SEMA3C: variants seen among roughly 807,000 people sequenced by gnomAD.
The protein encoded by SEMA3C is semaphorin 3C, also known as semaphorin-3C.
SEMA3C carries 47 observed loss-of-function variants against 89.4 expected under a neutral mutation model. That is an observed-to-expected ratio of 0.53 (90% CI 0.42 to 0.67). SEMA3C has a LOEUF of 0.67. Among genes scored for constraint, SEMA3C ranks in the 30% least tolerant of loss-of-function variants. The pLI is 0.00. For missense variants in SEMA3C, 839 were observed against 929.1 expected (o/e 0.90, Z 1.26); for synonymous variants, 310 against 320.2 (o/e 0.97, Z 0.34).
chr7:80,817,493 T>C (rs1789636129), intron 5 of SEMA3C, among the ~76,000 whole-genome samples: 1 of 152,202 alleles, frequency 6.6e-6, no homozygotes, highest in African/African-American at 2.4e-5. Flanking sequence ...ACAACATGTT[T>C]GACTAAAAGA....
chr7:80,881,520 T>C (rs953596815), intron 2 of SEMA3C, among the ~76,000 whole-genome samples: 1 of 152,190 alleles, frequency 6.6e-6, no homozygotes, highest in Non-Finnish European at 1.5e-5. Context: ...ATTTCTGGCA[T>C]CACTGGAGGG....
intron 2 of SEMA3C, among the ~76,000 whole-genome samples, chr7:80,892,001 T>TC (rs1460082830): frequency 2.0e-5 from 3 of 152,086 alleles, no homozygotes; most frequent in Non-Finnish European, 4.4e-5. Flanking sequence ...GATACTATCT[T>TC]CCCCAAAAAA....
At chr7:80,869,327 A>T (rs1791002630) in intron 2 of SEMA3C, among the ~76,000 whole-genome samples, 1 of 152,234 alleles carries the variant, frequency 6.6e-6, no homozygotes, top group African/African-American at 2.4e-5. Flanking sequence ...ATTACAAGAC[A>T]AGCAGGGATT....
At chr7:80,820,058 T>TTC (rs1424119203) in intron 4 of SEMA3C, among the ~76,000 whole-genome samples, 3 of 147,542 alleles carry the variant, frequency 2.0e-5, no homozygotes, top group African/African-American at 7.5e-5. Flanking sequence ...ATGCTCCTTT[T>TTC]TTTTTTTTTT....
At chr7:80,844,051 TCATGGGTACCTTTCCCA>T (rs1457060460) in intron 2 of SEMA3C, among the ~76,000 whole-genome samples, 2 of 152,166 alleles carry the variant, frequency 1.3e-5, no homozygotes, top group Admixed American at 1.3e-4. Flanking sequence ...TGCAGATGAA[TCATGGGTACCTTTCCCA>T]CATTTTGAAT....
At chr7:80,878,111 C>T (rs1791242952) in intron 2 of SEMA3C, among the ~76,000 whole-genome samples, 1 of 152,186 alleles carries the variant, frequency 6.6e-6, no homozygotes, top group Non-Finnish European at 1.5e-5. Flanking sequence ...GGTGCGGTGG[C>T]TCACACCTGT....
At chr7:80,748,307 A>G (rs2117026122) in intron 17 of SEMA3C, among the ~76,000 whole-genome samples, 1 of 152,266 alleles carries the variant, frequency 6.6e-6, no homozygotes, top group South Asian at 2.1e-4. Context: ...CTAATCCACG[A>G]AAAGTTTCAG....
chr7:80,916,021 T>C (rs1378109145), intron 2 of SEMA3C, among the ~76,000 whole-genome samples: 1 of 152,154 alleles, frequency 6.6e-6, no homozygotes, highest in Non-Finnish European at 1.5e-5. Flanking sequence ...TTAAAGCTCA[T>C]GCAAACCATT....
At chr7:80,851,029 C>A (rs1401411602) in intron 2 of SEMA3C, among the ~76,000 whole-genome samples, 1 of 152,070 alleles carries the variant, frequency 6.6e-6, no homozygotes, top group African/African-American at 2.4e-5. Context: ...TTGAGACCAC[C>A]TCCCTCCGAT....
chr7:80,835,336 T>C (rs138675350), intron 2 of SEMA3C, among the ~76,000 whole-genome samples: 43 of 152,324 alleles, frequency 2.8e-4, no homozygotes, highest in African/African-American at 1.0e-3. Context: ...TCTGTTATTC[T>C]GTTTGGCTAG....
At chr7:80,914,741 A>G (rs1230407864) in intron 2 of SEMA3C, among the ~76,000 whole-genome samples, 2 of 152,216 alleles carry the variant, frequency 1.3e-5, no homozygotes, top group Admixed American at 6.5e-5. Flanking sequence ...CATATTCTAC[A>G]TAAGTTACAA....
chr7:80,886,410 G>A (rs1333014592), intron 2 of SEMA3C, among the ~76,000 whole-genome samples: 1 of 151,024 alleles, frequency 6.6e-6, no homozygotes, highest in Non-Finnish European at 1.5e-5. Flanking sequence ...ATGGAGTGCA[G>A]TGGTGTGATC....
chr7:80,756,183 CTCT>C (rs1788061412), intron 15 of SEMA3C, among the ~76,000 whole-genome samples: 1 of 152,214 alleles, frequency 6.6e-6, no homozygotes, highest in Non-Finnish European at 1.5e-5. Context: ...CTTTCACAGT[CTCT>C]TCTTTCTCAG....
intron 2 of SEMA3C, among the ~76,000 whole-genome samples, chr7:80,870,779 T>C (rs1791037830): frequency 6.6e-6 from 1 of 152,180 alleles, no homozygotes; most frequent in African/African-American, 2.4e-5. Context: ...GTATTTTAAA[T>C]GAGCACAGCA....
intron 2 of SEMA3C, among the ~76,000 whole-genome samples, chr7:80,864,121 T>C (rs190325669): frequency 1.3e-5 from 2 of 152,054 alleles, no homozygotes; most frequent in Non-Finnish European, 2.9e-5. Flanking sequence ...AGACTACTAT[T>C]CTAAGTGAAG....
At position 80,789,295 on chromosome 7, in the gene SEMA3C, C is replaced by CA; in HGVS notation, c.1354+10dup. 2 of 1,607,586 alleles carry CA rather than the reference C, an allele frequency of 1.2e-6. No homozygotes were observed. The highest frequency in any genetic ancestry group is 1.7e-6 in the Non-Finnish European group (2 of 1,175,332). Reference sequence around the variant, plus strand: ...TACACATTAAAGCATATCTTGGGCTCAAATATTTACCTGTTCCGAGAAACA... The same window carrying CA: ...TACACATTAAAGCATATCTTGGGCTCAAAATATTTACCTGTTCCGAGAAACA... On this transcript the variant is annotated intron_variant, in intron 12 of 17. Coordinates refer to ENST00000265361, the MANE Select transcript of SEMA3C (RefSeq NM_006379.5).
intron 12 of SEMA3C, among the ~76,000 whole-genome samples, chr7:80,768,661 G>T (rs1344776869): frequency 6.6e-6 from 1 of 152,300 alleles, no homozygotes; most frequent in East Asian, 1.9e-4. Context: ...GATGCATGTG[G>T]TTGGAGGTGT....
At chr7:80,833,411 A>C (rs1005259490) in intron 2 of SEMA3C, among the ~76,000 whole-genome samples, 7 of 152,010 alleles carry the variant, frequency 4.6e-5, no homozygotes, top group Admixed American at 2.0e-4. Flanking sequence ...CAGTGAGCCA[A>C]GATCACGCCA....
intron 2 of SEMA3C, chr7:80,905,955 GT>G (rs750720750): frequency 2.3e-3 from 2,453 of 1,071,802 alleles, no homozygotes; most frequent in South Asian, 2.9e-3. Context: ...ATTTTGTTTT[GT>G]TTTTTTTTTA....
Sources: allele counts gnomAD v4.1 joint callset (sites outside exome capture counted in the v4.1 genomes callset), GRCh38; gene constraint gnomAD v4.1.1; transcripts MANE v1.5; gene names NCBI Gene and HGNC (gene_info 2026-07-23, HGNC 2026-07-21).